The following CCDC88A variants were observed in gnomAD, a reference collection of about 807,000 sequenced individuals.
The protein encoded by CCDC88A is girdin.
A neutral mutation model predicts 234.3 loss-of-function variants in CCDC88A; 54 were observed. That is an observed-to-expected ratio of 0.23 (90% CI 0.19 to 0.29). The LOEUF is 0.29. CCDC88A is among the 10% of genes least tolerant of loss of function. The pLI is 1.00. For missense variants in CCDC88A, 1,832 were observed against 2,123.4 expected (o/e 0.86, Z 2.70); for synonymous variants, 753 against 737.8 (o/e 1.02, Z -0.33).
Position 55,303,137 on chromosome 2 carries a change from C to A in CCDC88A, c.4403G>T (p.Arg1468Ile). ...CGGTCTGTTCCTCAAAAAGGGCAGT[C>A]TTTTCAGTGCAACCACTTTAATGTC... Reference protein sequence around the residue: ...TKKSSMVALKRLPFLRNRPKD... With the variant: ...TKKSSMVALKILPFLRNRPKD... The change falls in exon 26 of 33, where the codon AGA (arginine) becomes ATA (isoleucine). Residue 1468 changes from arginine (R) to isoleucine (I), a missense_variant. Physicochemically the swap from Arg to Ile is moderately conservative, Grantham distance 97. This residue lies in a region of CCDC88A where 1,282 missense variants were observed against 1,543.6 expected (regional missense o/e 0.83). Coordinates refer to ENST00000436346, the MANE Select transcript of CCDC88A (RefSeq NM_001365480.1). 3.2e-6 allele frequency: 5 copies of A among 1,550,152 alleles called. No individual in the cohort carries two copies. Among genetic ancestry groups the A allele is most frequent in the Non-Finnish European group, 4.4e-6 (5 of 1,145,480 alleles).
At chr2:55,337,976 G>A (rs1668012123) in intron 13 of CCDC88A, among the ~76,000 whole-genome samples, 1 of 152,020 alleles carries the variant, frequency 6.6e-6, no homozygotes. Context: ...AATTAATCAG[G>A]TTCTCACATT....
chr2:55,390,536 G>C (rs934940322), intron 2 of CCDC88A, among the ~76,000 whole-genome samples: 1 of 152,176 alleles, frequency 6.6e-6, no homozygotes, highest in African/African-American at 2.4e-5. Flanking sequence ...AAAATATGAA[G>C]GGGAAGCTAT....
Position 55,342,886 on chromosome 2 carries a change from G to A in CCDC88A, c.1333+762C>T, listed in dbSNP as rs145786507. 2.0e-3 allele frequency among the ~76,000 whole-genome samples: 303 copies of A among 152,216 alleles called. 4 individuals are homozygous for A. Among genetic ancestry groups the A allele is most frequent in the Admixed American group, 0.017 (258 of 15,300 alleles). On this transcript the variant is annotated intron_variant, in intron 12 of 32. Coordinates refer to ENST00000436346, the MANE Select transcript of CCDC88A (RefSeq NM_001365480.1). ...CTTAGTAAATATTTGCTGAAGAAAT[G>A]CAAGTAGAACAATCTAATACTGGGC...
chr2:55,301,780 T>G (rs1680928265), intron 27 of CCDC88A, 92 bp downstream of exon 27: 1 of 1,018,596 alleles, frequency 9.8e-7, no homozygotes, highest in African/African-American at 1.6e-5. Context: ...TATTTCAGGT[T>G]GCTGCTTTTT....
At chr2:55,364,128 T>G in intron 5 of CCDC88A, 95 bp from the exon 6 acceptor site, 1 of 545,554 alleles carries the variant, frequency 1.8e-6, no homozygotes, top group Non-Finnish European at 3.1e-6. Flanking sequence ...TTGCTATATT[T>G]TGAAAAGTAT....
chr2:55,409,520 C>T (rs978967890), intron 2 of CCDC88A, among the ~76,000 whole-genome samples: 21 of 152,178 alleles, frequency 1.4e-4, no homozygotes, highest in Non-Finnish European at 2.5e-4. Flanking sequence ...GCATCCTATT[C>T]CTAGCATCTA....
At chr2:55,397,188 G>GGCA (rs1217683904) in intron 2 of CCDC88A, 1 of 152,030 alleles carries the variant, frequency 6.6e-6, no homozygotes, top group Non-Finnish European at 1.5e-5. Flanking sequence ...GCTGCCTCCT[G>GGCA]GGTTCATGCA....
chr2:55,333,064 A>G (rs536929725), intron 15 of CCDC88A, among the ~76,000 whole-genome samples: 3 of 152,190 alleles, frequency 2.0e-5, no homozygotes, highest in Admixed American at 6.5e-5. Context: ...CTCCCACAAG[A>G]TCCCTTCTCC....
At chr2:55,365,088 C>T (rs750853779) in intron 5 of CCDC88A, among the ~76,000 whole-genome samples, 6 of 152,090 alleles carry the variant, frequency 3.9e-5, no homozygotes, top group Non-Finnish European at 7.4e-5. Flanking sequence ...AAATACACTT[C>T]CATCAATGCA....
rs1491498389 is a variant in CCDC88A, at chr2:55,375,512, T to TATATATATAC, written c.274-630_274-629insGTATATATAT. ...ATATATATATATATATATATATATA[T>TATATATATAC]GTATGTATGTATAAATATGTTGGGT... is the stretch of plus-strand genomic sequence containing the variant. On this transcript the variant is annotated intron_variant, in intron 3 of 32. Transcript: ENST00000436346. Among the ~76,000 whole-genome samples the TATATATATAC allele has an allele frequency of 4.6e-3, 64 of 13,852 alleles. 1 individual carries two copies. Among genetic ancestry groups the TATATATATAC allele is most frequent in the African/African-American group, 0.011 (63 of 5,964 alleles). The allele number at this position is 13,852 out of a possible 152,430, so 9.1% of individuals were successfully genotyped here. A position where few individuals can be genotyped will look rare whatever the true frequency, so the allele number is the denominator to read the frequency against.
At chr2:55,405,684 T>C (rs1273536616) in intron 2 of CCDC88A, 1 of 152,170 alleles carries the variant, frequency 6.6e-6, no homozygotes, top group South Asian at 2.1e-4. Context: ...GCGGCAGCAT[T>C]AGATTTTCTT....
chr2:55,403,584 A>C (rs1163193844), intron 2 of CCDC88A: 1 of 152,236 alleles, frequency 6.6e-6, no homozygotes, highest in East Asian at 1.9e-4. Context: ...TGCTTTAGCA[A>C]CACACGCATA....
At chr2:55,408,103 G>A (rs985650035) in intron 2 of CCDC88A, among the ~76,000 whole-genome samples, 1 of 151,832 alleles carries the variant, frequency 6.6e-6, no homozygotes, top group African/African-American at 2.4e-5. Flanking sequence ...AAGGAAGAAA[G>A]TTCCTTCTCC....
rs1679456572 is a variant in CCDC88A at position 55,291,601 on chromosome 2, A to C, written c.*35+75T>G. ...ATTTACATCTGTTAATGCAATGTGCACTTGTTTCACACTTAATTTGGTTAG... is the reference window on the plus strand; with the variant it reads ...ATTTACATCTGTTAATGCAATGTGCCCTTGTTTCACACTTAATTTGGTTAG... On this transcript the variant is annotated intron_variant, in intron 32 of 32. Transcript: ENST00000436346. 10 of 603,624 alleles carry C rather than the reference A, an allele frequency of 1.7e-5. No individual in the cohort carries two copies. The South Asian group carries it at 1.7e-4, about 10-fold the overall frequency. 37.4% of individuals were successfully genotyped at this position (603,624 alleles called of 1,614,324 possible).
chr2:55,401,434 C>CAA (rs1174693653), intron 2 of CCDC88A, among the ~76,000 whole-genome samples: 1,296 of 45,786 alleles, frequency 0.028, 129 homozygotes, highest in African/African-American at 0.1. Context: ...ACTCTGTCTC[C>CAA]AAAAAAAAAA....
chr2:55,405,912 C>G (rs539352664), intron 2 of CCDC88A: 1 of 152,262 alleles, frequency 6.6e-6, no homozygotes, highest in African/African-American at 2.4e-5. Context: ...ATAATCCCAG[C>G]ACTTTGTGAG....
chr2:55,352,148 G>A (rs1438035965), intron 8 of CCDC88A, among the ~76,000 whole-genome samples: 1 of 151,856 alleles, frequency 6.6e-6, no homozygotes, highest in Non-Finnish European at 1.5e-5. Flanking sequence ...AAATTGGTGT[G>A]TGGGCTGGGC....
chr2:55,316,514 G>C (rs1269109493), intron 21 of CCDC88A, among the ~76,000 whole-genome samples: 1 of 152,136 alleles, frequency 6.6e-6, no homozygotes. Context: ...CCAGGAGTTT[G>C]TGAGCAACCG....
In CCDC88A at chr2:55,332,084, T is replaced by C. The variant is rs1690667257; in HGVS notation, c.2855+482A>G. The C allele has an allele frequency of 6.6e-6, 1 of 152,330 alleles. No homozygotes were observed. The highest frequency in any genetic ancestry group is 2.4e-5 in the African/African-American group (1 of 41,434). 9.4% of individuals were successfully genotyped at this position (152,330 alleles called of 1,614,324 possible). ...TTTGTTTTCTTATATCTATATTAGA[T>C]TGTCTATGATTCCTCTTTTCTCCTT... is the stretch of plus-strand genomic sequence containing the variant. On this transcript the variant is annotated intron_variant, in intron 16 of 32. Transcript: ENST00000436346. The surrounding 1 kb of genome is among the most constrained non-coding windows in gnomAD (Gnocchi z 4.5).
Sources: gnomAD v4.1 joint callset for allele counts (sites outside exome capture counted in the v4.1 genomes callset) on GRCh38, gnomAD v4.1.1 for gene constraint, gnomAD v4.1.1 regional missense constraint, Gnocchi (gnomAD v3.1) non-coding constraint, MANE v1.5 for transcripts, NCBI Gene and HGNC (gene_info 2026-07-23, HGNC 2026-07-21) for gene names.